The following TUBE1 variants were observed in gnomAD, a reference collection of about 807,000 sequenced individuals.
The protein encoded by TUBE1 is tubulin epsilon chain.
Under a neutral mutation model 53.5 loss-of-function variants are expected in TUBE1, and 34 were observed. The ratio of observed to expected loss-of-function variants is 0.64; its 90% CI spans 0.48 to 0.85. The LOEUF is 0.85. Ranked by LOEUF, TUBE1 falls within the 40% of genes least tolerant of loss-of-function variation. The pLI, the probability that TUBE1 is intolerant of heterozygous loss-of-function variation, is 0.00. For synonymous variants in TUBE1, 177 were observed against 198.4 expected (o/e 0.89, Z 0.91); for missense variants, 532 against 570.5 (o/e 0.93, Z 0.69).
chr6:112,072,938 CTTCT>C (rs782516713), intron 9 of TUBE1, 40 bp from the exon 10 acceptor site: 42 of 1,602,096 alleles, frequency 2.6e-5, no homozygotes, highest in African/African-American at 5.4e-5. Context: ...CAAAATATTA[CTTCT>C]TTCTATGTAT....
intron 8 of TUBE1, chr6:112,075,064 CTTTCTT>C (rs1776937098): frequency 2.1e-4 from 34 of 165,274 alleles, no homozygotes; most frequent in South Asian, 7.0e-4. Flanking sequence ...TTTTTTTTTT[CTTTCTT>C]TTTTTTTTTT....
At position 112,079,488 on chromosome 6, in the gene TUBE1, G is replaced by T. The variant is rs113814931; in HGVS notation, c.448+145C>A. 4,212 of 601,496 alleles carry T rather than the reference G, an allele frequency of 7.0e-3. 148 individuals carry two copies. In the African/African-American group the frequency reaches 0.076, roughly 11 times the overall value. The allele number at this position is 601,496 out of a possible 1,614,324, so 37.3% of individuals were successfully genotyped here. On this transcript the variant is annotated intron_variant, in intron 6 of 11. Transcript: ENST00000368662. ...TTCCACAAAATTTTAAGATAAAAAG[G>T]TGTATGTTTATATACTCAAACTACA...
At position 112,087,314 on chromosome 6, in the gene TUBE1, C is replaced by T. The variant is rs1223974190; in HGVS notation, c.26-8G>A. ...GGTTTCCGCACTGGCCGACTGCGAC[C>T]GGAGGAGAGGAAGGAAAGAGAATAG... is the stretch of plus-strand genomic sequence containing the variant. On this transcript the variant is annotated splice_region_variant and splice_polypyrimidine_tract_variant and intron_variant, in intron 1 of 11. Coordinates refer to ENST00000368662, the MANE Select transcript of TUBE1 (RefSeq NM_016262.5). 1.3e-6 allele frequency: 2 copies of T among 1,552,104 alleles called. No individual in the cohort carries two copies. The highest frequency in any genetic ancestry group is 1.7e-6 in the Non-Finnish European group (2 of 1,147,262).
intron 9 of TUBE1, 131 bp downstream of exon 9, chr6:112,074,579 T>C: frequency 1.8e-6 from 1 of 550,266 alleles, no homozygotes; most frequent in East Asian, 3.5e-5. Flanking sequence ...AATGCAAAAA[T>C]GGATGTCATC....
rs1289480511 is a variant in TUBE1, at chr6:112,087,401, G to T, written c.25+9C>A. On this transcript the variant is annotated intron_variant, in intron 1 of 11. Transcript: ENST00000368662. ...GCGACCAGGTCTCTACCCGCCCGGC[G>T]TAGCTTACCCTGTACGACCACCGAC... The T allele has an allele frequency of 1.3e-6, 2 of 1,551,236 alleles. No homozygotes were observed. The highest frequency in any genetic ancestry group is 1.7e-6 in the Non-Finnish European group (2 of 1,146,900).
At chr6:112,072,662 G>C in intron 10 of TUBE1, 96 bp downstream of exon 10, 1 of 1,279,068 alleles carries the variant, frequency 7.8e-7, no homozygotes, top group Non-Finnish European at 1.1e-6. Context: ...TTAGTAAGTG[G>C]CACTGCTAGA....
At chr6:112,085,764 T>C (rs1380868403) in intron 3 of TUBE1, 1 of 468,208 alleles carries the variant, frequency 2.1e-6, no homozygotes, top group Non-Finnish European at 4.4e-6. Flanking sequence ...TAAAGTAATG[T>C]GCCTATGAAA....
At chr6:112,072,712 G>T in intron 10 of TUBE1, 46 bp downstream of exon 10, 1 of 1,599,416 alleles carries the variant, frequency 6.3e-7, no homozygotes, top group Non-Finnish European at 8.5e-7. Flanking sequence ...ATGCCACACT[G>T]TCCCAAGCAG....
chr6:112,079,647 T>C lies in TUBE1; in HGVS notation c.434A>G (p.His145Arg), dbSNP rs1777036831. The change falls in exon 6 of 12, where the codon CAT (histidine) becomes CGT (arginine). Residue 145 changes from histidine to arginine, a missense_variant. Coordinates refer to ENST00000368662, the MANE Select transcript of TUBE1 (RefSeq NM_016262.5). ...CDCLQCFFII[H>R]SMGGGTGSGL... Reference sequence around the variant, plus strand: ...AAAAATTTTACCTCCTCCCATGGAATGTATTATAAAGAAACACTGCAAGCA... The same window carrying C: ...AAAAATTTTACCTCCTCCCATGGAACGTATTATAAAGAAACACTGCAAGCA... The C allele has an allele frequency of 2.5e-6, 4 of 1,611,974 alleles. No individual in the cohort carries two copies. Among genetic ancestry groups the C allele is most frequent in the Admixed American group, 3.3e-5 (2 of 59,710 alleles).
In TUBE1 at chr6:112,084,287, A is replaced by G. The variant is rs371042624; in HGVS notation, c.153-41T>C. ...ATGAGAAATGGTCATAAGATCTTCC[A>G]TGGCTAATAGCACTATCAGGTGATA... On this transcript the variant is annotated intron_variant, in intron 3 of 11. Coordinates refer to ENST00000368662, the MANE Select transcript of TUBE1 (RefSeq NM_016262.5). 2.7e-6 allele frequency: 4 copies of G among 1,500,028 alleles called. No homozygotes were observed. The African/African-American group carries it at 5.5e-5, about 21-fold the overall frequency. The allele number at this position is 1,500,028 out of a possible 1,614,324, so 92.9% of individuals were successfully genotyped here. A position where few individuals can be genotyped will look rare whatever the true frequency, so the allele number is the denominator to read the frequency against.
At chr6:112,079,200 GA>G (rs1777024721) in intron 6 of TUBE1, among the ~76,000 whole-genome samples, 2 of 151,674 alleles carry the variant, frequency 1.3e-5, no homozygotes, top group South Asian at 4.2e-4. Context: ...GATGGTTAAA[GA>G]AAGGGTATTA....
In TUBE1 at chr6:112,084,324, C is replaced by A; in HGVS notation, c.153-78G>T. 2.5e-6 allele frequency: 3 copies of A among 1,180,972 alleles called. No homozygotes were observed. In the South Asian group the frequency reaches 3.7e-5, roughly 15 times the overall value. The allele number at this position is 1,180,972 out of a possible 1,614,324, so 73.2% of individuals were successfully genotyped here. A position where few individuals can be genotyped will look rare whatever the true frequency, so the allele number is the denominator to read the frequency against. On this transcript the variant is annotated intron_variant, in intron 3 of 11. Coordinates refer to ENST00000368662, the MANE Select transcript of TUBE1 (RefSeq NM_016262.5). Reference sequence around the variant, plus strand: ...ACTATCAGGTGATAAAGTTAACTTCCATTTATATAATAAGACTGCTTATAG... The same window carrying A: ...ACTATCAGGTGATAAAGTTAACTTCAATTTATATAATAAGACTGCTTATAG...
rs1554315533 is a variant in TUBE1, at chr6:112,072,764, A to G, written c.1088T>C (p.Ile363Thr). The G allele has an allele frequency of 1.2e-6, 2 of 1,612,880 alleles. No individual in the cohort carries two copies. The highest frequency in any genetic ancestry group is 1.7e-6 in the Non-Finnish European group (2 of 1,179,290). Residue 363 changes from isoleucine (I) to threonine (T), a missense_variant, in exon 10 of 12, where the codon ATT (isoleucine) becomes ACT (threonine). Transcript: ENST00000368662. ...TTAAAAATATAAACCAAACCTTTCAATATTTCTACGAAGATCTGAAATTTG... is the reference window on the plus strand; with the variant it reads ...TTAAAAATATAAACCAAACCTTTCAGTATTTCTACGAAGATCTGAAATTTG... The part of the protein sequence containing the change: ...NVQISDLRRN[I>T]ERLKPSLQFV...
chr6:112,079,506 A>G (rs1777033798), intron 6 of TUBE1, 127 bp downstream of exon 6: 2 of 860,822 alleles, frequency 2.3e-6, no homozygotes, highest in South Asian at 4.8e-5. Flanking sequence ...TTATATACTC[A>G]AACTACACAC....
chr6:112,071,388 A>C lies in TUBE1; in HGVS notation c.*24T>G, dbSNP rs782157727. 1.4e-6 allele frequency: 2 copies of C among 1,454,842 alleles called. No homozygotes were observed. The highest frequency in any genetic ancestry group is 1.8e-6 in the Non-Finnish European group (2 of 1,088,668). 90.1% of individuals were successfully genotyped at this position (1,454,842 alleles called of 1,614,324 possible). ...TCAGAAAAAACAATGTGAAATTAAG[A>C]AAGTATTTTTGAGGGTTTCTTTTTC... On this transcript the variant is annotated 3_prime_UTR_variant, in exon 12 of 12. Coordinates refer to ENST00000368662, the MANE Select transcript of TUBE1 (RefSeq NM_016262.5).
intron 4 of TUBE1, among the ~76,000 whole-genome samples, chr6:112,082,212 A>G (rs1157071069): frequency 6.6e-6 from 1 of 152,210 alleles, no homozygotes; most frequent in Admixed American, 6.5e-5. Context: ...CTTTATATAG[A>G]GCAATCATAT....
chr6:112,075,769 A>C (rs778831453), intron 8 of TUBE1, 168 bp downstream of exon 8: 4 of 545,054 alleles, frequency 7.3e-6, no homozygotes, highest in Non-Finnish European at 1.3e-5. Flanking sequence ...GCTGCTTTGG[A>C]GTCATAGAAG....
intron 6 of TUBE1, chr6:112,078,566 T>C (rs1428497472): frequency 6.6e-6 from 1 of 151,874 alleles, no homozygotes; most frequent in Non-Finnish European, 1.5e-5. Flanking sequence ...GGACAGGGAG[T>C]AGGCATTAGA....
intron 3 of TUBE1, 146 bp from the exon 4 acceptor site, chr6:112,084,392 T>G: frequency 1.5e-6 from 1 of 657,252 alleles, no homozygotes; most frequent in Non-Finnish European, 2.7e-6. Context: ...ATCTCTTTCT[T>G]CCTTGCTTAC....
Sources: gnomAD v4.1 joint callset for allele counts (sites outside exome capture counted in the v4.1 genomes callset) on GRCh38, gnomAD v4.1.1 for gene constraint, MANE v1.5 for transcripts, NCBI Gene and HGNC (gene_info 2026-07-23, HGNC 2026-07-21) for gene names.